Variants in HPSE2 observed in about 807,000 individuals in gnomAD.
HPSE2 encodes heparanase 2 (inactive), also known as inactive heparanase-2.
A neutral mutation model predicts 60.5 loss-of-function variants in HPSE2; 38 were observed. The observed-to-expected ratio is 0.63, with a 90% CI of 0.48 to 0.82. The LOEUF (loss-of-function observed/expected upper bound fraction) is 0.82. HPSE2 is among the 40% of genes least tolerant of loss of function. The probability of loss-of-function intolerance (pLI) is 0.00; values close to 1 mark genes in which losing one functional copy is unlikely to be tolerated. For synonymous variants in HPSE2, 295 were observed against 293.2 expected (o/e 1.01, Z -0.06); for missense variants, 713 against 740.4 (o/e 0.96, Z 0.43).
chr10:98,921,515 T>C (rs548403221), intron 3 of HPSE2, among the ~76,000 whole-genome samples: 1 of 152,284 alleles, frequency 6.6e-6, no homozygotes, highest in South Asian at 2.1e-4. Context: ...ATTACGATGG[T>C]CAGGGGAAAG....
intron 5 of HPSE2, among the ~76,000 whole-genome samples, chr10:98,696,322 T>C (rs1292745412): frequency 1.3e-4 from 12 of 92,450 alleles, no homozygotes; most frequent in Middle Eastern, 7.8e-3. Context: ...AAAAAAACCA[T>C]AATAGCGAGC....
intron 3 of HPSE2, among the ~76,000 whole-genome samples, chr10:98,744,265 C>T (rs902686386): frequency 3.3e-5 from 5 of 152,070 alleles, no homozygotes; most frequent in South Asian, 2.1e-4. Flanking sequence ...CGGTGGCTCA[C>T]GCCTGTAATC....
At chr10:98,658,023 C>T (rs1947122202) in intron 6 of HPSE2, among the ~76,000 whole-genome samples, 1 of 152,050 alleles carries the variant, frequency 6.6e-6, no homozygotes, top group South Asian at 2.1e-4. Context: ...TCTCTTCCTT[C>T]ATAATGAAGA....
At chr10:98,917,435 G>A (rs1954151783) in intron 3 of HPSE2, among the ~76,000 whole-genome samples, 1 of 152,176 alleles carries the variant, frequency 6.6e-6, no homozygotes. Context: ...ATCATCACGT[G>A]AGTGGGTGGA....
At chr10:99,240,004 C>T (rs1211961830), upstream of HPSE2, among the ~76,000 whole-genome samples, 1 of 151,882 alleles carries the variant, frequency 6.6e-6, no homozygotes, top group African/African-American at 2.4e-5. Context: ...GCCTGACCAA[C>T]ATAGTGAAAC....
At chr10:98,780,499 T>G (rs537323313) in intron 3 of HPSE2, among the ~76,000 whole-genome samples, 3 of 152,180 alleles carry the variant, frequency 2.0e-5, no homozygotes, top group Non-Finnish European at 4.4e-5. Flanking sequence ...CAATAAAACA[T>G]CTTTTAAGGA....
Position 98,676,823 on chromosome 10 carries a change from C to T in HPSE2, c.1004+17077G>A, listed in dbSNP as rs562358153. Reference sequence around the variant, plus strand: ...TGACTGTGTTTTGGATTTTATTGTGCGTGCATAGTATTCTCTTTCTTAAAA... The same window carrying T: ...TGACTGTGTTTTGGATTTTATTGTGTGTGCATAGTATTCTCTTTCTTAAAA... On this transcript the variant is annotated intron_variant, in intron 6 of 11. Coordinates refer to ENST00000370552, the MANE Select transcript of HPSE2 (RefSeq NM_021828.5). 1.6e-4 allele frequency among the ~76,000 whole-genome samples: 25 copies of T among 152,226 alleles called. No homozygotes were observed. The East Asian group carries it at 4.6e-3, about 28-fold the overall frequency.
At chr10:98,555,144 C>A (rs914733861) in intron 9 of HPSE2, among the ~76,000 whole-genome samples, 9 of 152,158 alleles carry the variant, frequency 5.9e-5, no homozygotes, top group Non-Finnish European at 1.3e-4. Flanking sequence ...CCTTTCAGCT[C>A]TAAGGACTTT....
intron 2 of HPSE2, among the ~76,000 whole-genome samples, chr10:99,154,475 AC>A (rs1846438898): frequency 8.2e-6 from 1 of 121,944 alleles, no homozygotes; most frequent in Non-Finnish European, 1.8e-5. Context: ...AGAATTTTCA[AC>A]CCAGAATTTC....
intron 9 of HPSE2, among the ~76,000 whole-genome samples, chr10:98,571,940 C>CT (rs1554943112): frequency 0.013 from 1,788 of 140,704 alleles, 44 homozygotes; most frequent in African/African-American, 0.043. Context: ...AATTCCTTTT[C>CT]TTTTTTTTTT....
intron 3 of HPSE2, among the ~76,000 whole-genome samples, chr10:99,130,323 A>C (rs1845332931): frequency 6.6e-6 from 1 of 152,188 alleles, no homozygotes; most frequent in Non-Finnish European, 1.5e-5. Flanking sequence ...GGACATAACA[A>C]AAACAAAAAA....
intron 3 of HPSE2, among the ~76,000 whole-genome samples, chr10:98,892,275 T>C (rs1175030446): frequency 6.6e-6 from 1 of 152,156 alleles, no homozygotes; most frequent in Non-Finnish European, 1.5e-5. Context: ...GTGGACCATA[T>C]CTCTGTTGCA....
In HPSE2 at chr10:98,544,088, C is replaced by T. The variant is rs555776749; in HGVS notation, c.1321-53892G>A. Among the ~76,000 whole-genome samples the T allele has an allele frequency of 3.0e-3, 450 of 151,906 alleles. 3 individuals are homozygous for T. Among genetic ancestry groups the T allele is most frequent in the Middle Eastern group, 6.8e-3 (2 of 294 alleles). ...TGACCACATAGTTGGAAGTAAAGCT[C>T]TCCTCAGCAAATGCAAAAGAATAGA... is the stretch of plus-strand genomic sequence containing the variant. On this transcript the variant is annotated intron_variant, in intron 9 of 11. Coordinates refer to ENST00000370552, the MANE Select transcript of HPSE2 (RefSeq NM_021828.5).
At chr10:98,555,244 C>T (rs527801021) in intron 9 of HPSE2, among the ~76,000 whole-genome samples, 2 of 152,260 alleles carry the variant, frequency 1.3e-5, no homozygotes, top group South Asian at 4.1e-4. Context: ...TCAGCATTAG[C>T]CTCAGGGAAT....
At chr10:98,889,247 G>A (rs996660919) in intron 3 of HPSE2, among the ~76,000 whole-genome samples, 1 of 151,962 alleles carries the variant, frequency 6.6e-6, no homozygotes, top group Non-Finnish European at 1.5e-5. Flanking sequence ...CTGTCACCCA[G>A]GTTGGGCTGA....
chr10:99,145,152 G>C (rs1021205322), intron 2 of HPSE2, among the ~76,000 whole-genome samples: 1 of 152,090 alleles, frequency 6.6e-6, no homozygotes, highest in South Asian at 2.1e-4. Context: ...TCCTCAAAAA[G>C]AAAAATTCAT....
intron 3 of HPSE2, among the ~76,000 whole-genome samples, chr10:99,119,053 G>A (rs1399963439): frequency 7.9e-6 from 1 of 126,610 alleles, no homozygotes; most frequent in East Asian, 2.6e-4. Context: ...AGAAAAGAAA[G>A]AAAGAAAGAG....
At chr10:99,301,013 G>A in the HPSE2 span, among the ~76,000 whole-genome samples, 1 of 152,146 alleles carries the variant, frequency 6.6e-6, no homozygotes, top group Admixed American at 6.5e-5. Flanking sequence ...CAGTTAATAA[G>A]GCAGTAGTCA....
chr10:98,594,307 C>T (rs929064606), intron 9 of HPSE2, among the ~76,000 whole-genome samples: 3 of 152,036 alleles, frequency 2.0e-5, no homozygotes, highest in South Asian at 2.1e-4. Context: ...GCCTCCCCTT[C>T]CCCACCACAA....
Sources: gnomAD v4.1 joint callset for allele counts (sites outside exome capture counted in the v4.1 genomes callset) on GRCh38, gnomAD v4.1.1 for gene constraint, MANE v1.5 for transcripts, NCBI Gene and HGNC (gene_info 2026-07-23, HGNC 2026-07-21) for gene names.